Variants in METTL15 observed in about 807,000 individuals in gnomAD.
METTL15 encodes methyltransferase 15, mitochondrial 12S rRNA N4-cytidine, also known as 12S rRNA N(4)-cytidine methyltransferase METTL15.
METTL15 carries 34 observed loss-of-function variants against 38.3 expected under a neutral mutation model. That is an observed-to-expected ratio of 0.89 (90% confidence interval 0.68 to 1.18). The LOEUF (loss-of-function observed/expected upper bound fraction) is 1.18, where lower values mean the gene tolerates loss of function less well. METTL15 is among the 50% of genes most tolerant of loss of function. The pLI is 0.00. For missense variants in METTL15, 438 were observed against 498.4 expected (o/e 0.88, Z 1.15); for synonymous variants, 162 against 170.9 (o/e 0.95, Z 0.41).
chr11:28,273,287 T>C (rs1231233696), intron 4 of METTL15, among the ~76,000 whole-genome samples: 1 of 152,116 alleles, frequency 6.6e-6, no homozygotes, highest in African/African-American at 2.4e-5. Context: ...GAAGTTAAGC[T>C]TAAAATACAC....
At chr11:28,134,472 G>A in intron 3 of METTL15, 1 of 398,150 alleles carries the variant, frequency 2.5e-6, no homozygotes, top group Non-Finnish European at 4.4e-6. Context: ...ACATGGGTTG[G>A]AGGTTCTCCA....
chr11:28,310,374 A>ACACACG (rs1565243637), intron 6 of METTL15, among the ~76,000 whole-genome samples: 3 of 151,808 alleles, frequency 2.0e-5, no homozygotes, highest in African/African-American at 7.3e-5. Flanking sequence ...ACACACACAC[A>ACACACG]CACGCACGCA....
At chr11:28,161,692 G>C (rs1850471114) in intron 3 of METTL15, among the ~76,000 whole-genome samples, 1 of 151,802 alleles carries the variant, frequency 6.6e-6, no homozygotes, top group Non-Finnish European at 1.5e-5. Flanking sequence ...AATGAAAATT[G>C]AATAGAAAAT....
At chr11:28,454,477 A>C (rs999427331) in intron 6 of METTL15, among the ~76,000 whole-genome samples, 1 of 152,306 alleles carries the variant, frequency 6.6e-6, no homozygotes. Flanking sequence ...TTTGTGTATG[A>C]GTCACATAGA....
At chr11:28,190,900 A>T (rs938184732) in intron 3 of METTL15, among the ~76,000 whole-genome samples, 1 of 151,388 alleles carries the variant, frequency 6.6e-6, no homozygotes, top group Admixed American at 6.6e-5. Flanking sequence ...AACTTGTTCA[A>T]CCAAAGTAAC....
chr11:28,235,091 G>T (rs1853887545), intron 4 of METTL15, among the ~76,000 whole-genome samples: 1 of 152,124 alleles, frequency 6.6e-6, no homozygotes. Context: ...GTTTTTGTCA[G>T]GTTTGTCAAA....
chr11:28,139,940 C>T (rs1245257791), intron 3 of METTL15, among the ~76,000 whole-genome samples: 1 of 133,402 alleles, frequency 7.5e-6, no homozygotes, highest in African/African-American at 2.9e-5. Context: ...CCTCCTTTTG[C>T]CTAGGCCAGG....
chr11:28,182,394 A>G (rs1851323573), intron 3 of METTL15, among the ~76,000 whole-genome samples: 2 of 152,050 alleles, frequency 1.3e-5, no homozygotes, highest in South Asian at 4.1e-4. Flanking sequence ...TTTAGGTCTT[A>G]TGTTTAAATC....
At chr11:28,313,867 T>C (rs1857390380) in intron 6 of METTL15, among the ~76,000 whole-genome samples, 1 of 152,170 alleles carries the variant, frequency 6.6e-6, no homozygotes, top group Non-Finnish European at 1.5e-5. Context: ...GTGGATATTT[T>C]CTAAGCTAAA....
intron 6 of METTL15, among the ~76,000 whole-genome samples, chr11:28,317,356 A>G (rs904269222): frequency 1.3e-5 from 2 of 152,148 alleles, no homozygotes; most frequent in Non-Finnish European, 2.9e-5. Context: ...TGAGAATTTA[A>G]CACTATATTA....
chr11:28,398,142 C>G (rs1369185900), intron 5 of METTL15, among the ~76,000 whole-genome samples: 1 of 151,394 alleles, frequency 6.6e-6, no homozygotes, highest in Non-Finnish European at 1.5e-5. Context: ...AATTGTGCAT[C>G]ACACCAACAT....
chr11:28,118,573 A>G lies in METTL15; in HGVS notation c.270+4969A>G, dbSNP rs185189148. Among the ~76,000 whole-genome samples the G allele has an allele frequency of 3.2e-4, 48 of 152,226 alleles. 1 individual carries two copies. Among genetic ancestry groups the G allele is most frequent in the Admixed American group, 2.8e-3 (42 of 15,266 alleles). ...TTGATTTCTGAAAACTGGAGAAAAAAAAGTTTGGTTATTTTCTAAATAGCT... is the reference window on the plus strand; with the variant it reads ...TTGATTTCTGAAAACTGGAGAAAAAGAAGTTTGGTTATTTTCTAAATAGCT... On this transcript the variant is annotated intron_variant, in intron 3 of 6. Coordinates refer to ENST00000407364, the MANE Select transcript of METTL15 (RefSeq NM_001113528.2).
chr11:28,307,483 A>T (rs921223021), intron 6 of METTL15, among the ~76,000 whole-genome samples: 3 of 152,016 alleles, frequency 2.0e-5, no homozygotes, highest in Admixed American at 1.3e-4. Context: ...CTTTTAATCA[A>T]CTAGTTTCTT....
At chr11:28,239,609 A>C (rs180770206) in intron 4 of METTL15, among the ~76,000 whole-genome samples, 106 of 152,242 alleles carry the variant, frequency 7.0e-4, no homozygotes, top group African/African-American at 2.4e-3. Context: ...TTCCTCTGCT[A>C]TGTTGACCCC....
chr11:28,141,711 A>G (rs1849704002), intron 3 of METTL15, among the ~76,000 whole-genome samples: 1 of 152,092 alleles, frequency 6.6e-6, no homozygotes, highest in Admixed American at 6.6e-5. Context: ...ACAAAATAAA[A>G]TAAGATAAAA....
chr11:28,126,645 A>T (rs1163281892), intron 3 of METTL15, among the ~76,000 whole-genome samples: 1 of 152,124 alleles, frequency 6.6e-6, no homozygotes. Flanking sequence ...TTAGTGTGAA[A>T]ATTAAACCAT....
chr11:28,467,771 C>A (rs1214880124), intron 6 of METTL15, among the ~76,000 whole-genome samples: 1 of 151,956 alleles, frequency 6.6e-6, no homozygotes, highest in African/African-American at 2.4e-5. Flanking sequence ...AGACAATAAA[C>A]AAGTAAATAA....
chr11:28,512,520 C>T (rs531081951), intron 6 of METTL15, among the ~76,000 whole-genome samples: 2 of 152,304 alleles, frequency 1.3e-5, no homozygotes, highest in Admixed American at 6.5e-5. Context: ...ATCTCAGCGC[C>T]GGTGAGCCGG....
chr11:28,438,560 T>G (rs997253443), intron 6 of METTL15, among the ~76,000 whole-genome samples: 4 of 152,212 alleles, frequency 2.6e-5, no homozygotes, highest in Non-Finnish European at 5.9e-5. Flanking sequence ...CATTCAAGTT[T>G]AGTTGGCCTG....
Sources: allele counts gnomAD v4.1 joint callset (sites outside exome capture counted in the v4.1 genomes callset), GRCh38; gene constraint gnomAD v4.1.1; transcripts MANE v1.5; gene names NCBI Gene and HGNC (gene_info 2026-07-23, HGNC 2026-07-21).